LOC122539214: variants seen among roughly 807,000 people sequenced by gnomAD.
chr19:52,652,633 C>T, the LOC122539214 span: 23 of 486,064 alleles, frequency 4.7e-5, no homozygotes, highest in Non-Finnish European at 9.4e-5. Context: ...GCCACATTTA[C>T]TACACTTGTA....
chr19:52,684,542 T>A, the LOC122539214 span, among the ~76,000 whole-genome samples: 12 of 96,694 alleles, frequency 1.2e-4, no homozygotes, highest in Admixed American at 8.2e-4. Flanking sequence ...AGAGTGAGAC[T>A]CTGTCTAAAA....
chr19:52,684,857 G>A, the LOC122539214 span, among the ~76,000 whole-genome samples: 5,292 of 152,310 alleles, frequency 0.035, 168 homozygotes, highest in African/African-American at 0.088. Flanking sequence ...CCAGGAGGCT[G>A]GACACTGGCA....
the LOC122539214 span, chr19:52,653,383 C>T: frequency 7.0e-6 from 7 of 998,574 alleles, no homozygotes; most frequent in Non-Finnish European, 9.3e-6. Context: ...AACCTTGCCA[C>T]ATTCATTACA....
At chr19:52,652,899 T>C in the LOC122539214 span, 3 of 1,107,094 alleles carry the variant, frequency 2.7e-6, no homozygotes, top group East Asian at 2.6e-5. Flanking sequence ...ACTTGTAAGG[T>C]TTCTCTCCAC....
chr19:52,679,482 AT>A, the LOC122539214 span, among the ~76,000 whole-genome samples: 5 of 152,160 alleles, frequency 3.3e-5, no homozygotes, highest in Admixed American at 1.3e-4. Context: ...ATGGTGGAGC[AT>A]GCTTATAAGC....
At chr19:52,673,473 A>G in the LOC122539214 span, among the ~76,000 whole-genome samples, 2 of 151,972 alleles carry the variant, frequency 1.3e-5, no homozygotes, top group Non-Finnish European at 2.9e-5. Context: ...ACTACACTCC[A>G]GGGTACACAA....
At chr19:52,668,854 C>G in the LOC122539214 span, among the ~76,000 whole-genome samples, 1 of 152,146 alleles carries the variant, frequency 6.6e-6, no homozygotes, top group African/African-American at 2.4e-5. Flanking sequence ...TTCCAGGATT[C>G]TACATCCTGG....
chr19:52,653,111 TTC>T, the LOC122539214 span: 3 of 1,466,216 alleles, frequency 2.0e-6, no homozygotes, highest in African/African-American at 4.2e-5. Flanking sequence ...AGGGATGAAT[TTC>T]GAGCAAAGGT....
chr19:52,653,415 A>G, the LOC122539214 span: 3 of 857,674 alleles, frequency 3.5e-6, no homozygotes, highest in Admixed American at 1.8e-5. Context: ...TCTCTTCAGT[A>G]TGAACTCTGT....
chr19:52,666,636 AAAAAG>A, the LOC122539214 span, among the ~76,000 whole-genome samples: 1 of 151,252 alleles, frequency 6.6e-6, no homozygotes, highest in Admixed American at 6.6e-5. Context: ...AAAAAAAAAA[AAAAAG>A]GCAAAATGGT....
chr19:52,674,633 A>C, the LOC122539214 span, among the ~76,000 whole-genome samples: 1 of 152,220 alleles, frequency 6.6e-6, no homozygotes, highest in African/African-American at 2.4e-5. Context: ...AACAGTAAAA[A>C]ATTTTAAAAG....
chr19:52,655,726 G>A, the LOC122539214 span: 9 of 822,138 alleles, frequency 1.1e-5, no homozygotes, highest in South Asian at 1.3e-4. Flanking sequence ...CATTAGGGAG[G>A]AGTCATTACC....
At chr19:52,672,577 T>C in the LOC122539214 span, among the ~76,000 whole-genome samples, 1 of 152,152 alleles carries the variant, frequency 6.6e-6, no homozygotes, top group African/African-American at 2.4e-5. Context: ...GCACCTCATC[T>C]TTATGTTTTA....
the LOC122539214 span, chr19:52,652,282 A>C: frequency 4.2e-6 from 1 of 238,368 alleles, no homozygotes; most frequent in Non-Finnish European, 8.3e-6. Context: ...CTAAAAACAT[A>C]AAAATTAGCC....
the LOC122539214 span, chr19:52,655,785 C>T: frequency 2.8e-5 from 17 of 614,666 alleles, no homozygotes; most frequent in Middle Eastern, 2.8e-4. Flanking sequence ...TGATCCAAGA[C>T]GGTGTTCTGA....
the LOC122539214 span, among the ~76,000 whole-genome samples, chr19:52,659,625 A>AAAAG: frequency 4.6e-5 from 7 of 151,996 alleles, no homozygotes; most frequent in Non-Finnish European, 7.4e-5. Context: ...AAAAAAAAAA[A>AAAAG]AAGAGTACCA....
the LOC122539214 span, among the ~76,000 whole-genome samples, chr19:52,683,043 G>A: frequency 1.4e-5 from 2 of 147,772 alleles, no homozygotes; most frequent in African/African-American, 2.6e-5. Flanking sequence ...GCTAATTTTT[G>A]TATTTTTAGT....
the LOC122539214 span, among the ~76,000 whole-genome samples, chr19:52,684,844 C>T: frequency 1.3e-5 from 2 of 152,168 alleles, no homozygotes; most frequent in East Asian, 1.9e-4. Flanking sequence ...TGAGGGCAAG[C>T]TCCCAGGAGG....
chr19:52,653,285 T>G, the LOC122539214 span: 1 of 1,427,392 alleles, frequency 7.0e-7, no homozygotes, highest in African/African-American at 1.4e-5. Context: ...GCTTTTTGAT[T>G]AAAAACCTTA....
Sources: gnomAD v4.1 joint callset for allele counts (sites outside exome capture counted in the v4.1 genomes callset) on GRCh38, gnomAD v4.1.1 for gene constraint, MANE v1.5 for transcripts.